Variants in ADGRB3 observed in about 807,000 individuals in gnomAD.
ADGRB3 encodes adhesion G protein-coupled receptor B3.
ADGRB3 carries 37 observed loss-of-function variants against 193.4 expected under a neutral mutation model. The ratio of observed to expected loss-of-function variants is 0.19; its 90% CI spans 0.15 to 0.25. The LOEUF is 0.25. Among genes scored for constraint, ADGRB3 ranks in the 10% least tolerant of loss-of-function variants. ADGRB3 has a pLI of 1.00. For synonymous variants in ADGRB3, 690 were observed against 644.2 expected (o/e 1.07, Z -1.08); for missense variants, 1,637 against 1,852.9 (o/e 0.88, Z 2.14).
intron 6 of ADGRB3, among the ~76,000 whole-genome samples, chr6:68,954,184 T>C (rs1352245161): frequency 6.6e-6 from 1 of 152,198 alleles, no homozygotes; most frequent in Non-Finnish European, 1.5e-5. Flanking sequence ...CCTAAATACT[T>C]CATGTTTCAT....
chr6:69,015,753 A>G lies in ADGRB3; in HGVS notation c.1998+1647A>G, dbSNP rs16900413. On this transcript the variant is annotated intron_variant, in intron 12 of 31. Transcript: ENST00000370598. ...ACAAAATTTACTCTTTCGAATAGTC[A>G]TTTCAGAATTTGTTACCCATCAGTT... Among the ~76,000 whole-genome samples the G allele has an allele frequency of 2.0e-3, 304 of 152,002 alleles. 4 individuals are homozygous for G. In the East Asian group the frequency reaches 0.051, roughly 26 times the overall value.
At chr6:69,204,291 C>G (rs1765491489) in intron 17 of ADGRB3, among the ~76,000 whole-genome samples, 1 of 152,086 alleles carries the variant, frequency 6.6e-6, no homozygotes, top group African/African-American at 2.4e-5. Flanking sequence ...ACTTAAATCA[C>G]ATTTTTTTTC....
intron 3 of ADGRB3, among the ~76,000 whole-genome samples, chr6:68,751,993 T>G (rs1179753995): frequency 6.6e-6 from 1 of 152,184 alleles, no homozygotes; most frequent in East Asian, 1.9e-4. Flanking sequence ...ATCATTAGCT[T>G]ACTATTCATC....
At chr6:68,923,463 T>A (rs1767100512) in intron 3 of ADGRB3, among the ~76,000 whole-genome samples, 1 of 152,096 alleles carries the variant, frequency 6.6e-6, no homozygotes, top group South Asian at 2.1e-4. Flanking sequence ...ATTTTTTTGG[T>A]CAAGCAACCA....
intron 20 of ADGRB3, among the ~76,000 whole-genome samples, chr6:69,311,760 T>C (rs1768199410): frequency 6.6e-6 from 1 of 151,744 alleles, no homozygotes; most frequent in Non-Finnish European, 1.5e-5. Context: ...TCTCATGTGC[T>C]TTAGATTTCA....
In ADGRB3 at chr6:68,956,770, G is replaced by T. The variant is rs766589399; in HGVS notation, c.1486G>T (p.Gly496Cys). The T allele has an allele frequency of 6.2e-7, 1 of 1,614,004 alleles. No individual in the cohort carries two copies. The highest frequency in any genetic ancestry group is 8.5e-7 in the Non-Finnish European group (1 of 1,179,926). The change falls in exon 8 of 32, where the codon GGC (glycine) becomes TGC (cysteine). Residue 496 changes from glycine to cysteine, a missense_variant. Around this residue, in one of 7 missense-constraint regions of ADGRB3, gnomAD observed 641 missense variants for 673.9 expected, o/e 0.95. Coordinates refer to ENST00000370598, the MANE Select transcript of ADGRB3 (RefSeq NM_001704.3). ...VITGQQCEGT[G>C]EEVRRCNEQR... ...AACAGGGCAGCAATGTGAAGGAACG[G>T]GCGAAGAAGTGAGAAGATGCAATGA...
intron 20 of ADGRB3, among the ~76,000 whole-genome samples, chr6:69,317,391 T>C (rs559049650): frequency 6.6e-6 from 1 of 151,530 alleles, no homozygotes; most frequent in Non-Finnish European, 1.5e-5. Flanking sequence ...ACTAGTGAGA[T>C]TGGTATCTGA....
intron 16 of ADGRB3, among the ~76,000 whole-genome samples, chr6:69,072,258 AGATTGAATGAT>A (rs1772098328): frequency 6.6e-6 from 1 of 152,194 alleles, no homozygotes; most frequent in African/African-American, 2.4e-5. Context: ...GTGAAACTTA[AGATTGAATGAT>A]GCATTTTGGA....
At chr6:68,724,110 C>T (rs556714891) in intron 3 of ADGRB3, among the ~76,000 whole-genome samples, 4 of 148,548 alleles carry the variant, frequency 2.7e-5, no homozygotes, top group Non-Finnish European at 3.0e-5. Flanking sequence ...AAAAAAAAAA[C>T]AACCTCAGTG....
chr6:68,638,583 T>C (rs551529949), intron 2 of ADGRB3, 78 bp from the exon 3 acceptor site: 58 of 1,362,836 alleles, frequency 4.3e-5, no homozygotes, highest in Non-Finnish European at 5.6e-5. Flanking sequence ...AACAGCTGGC[T>C]GTAATATTGA....
chr6:68,868,011 G>A (rs985229384), intron 3 of ADGRB3, among the ~76,000 whole-genome samples: 2 of 152,190 alleles, frequency 1.3e-5, no homozygotes, highest in African/African-American at 2.4e-5. Flanking sequence ...GCTAGGATGA[G>A]TTAAGACTAT....
At chr6:68,844,305 G>T (rs1768229743) in intron 3 of ADGRB3, among the ~76,000 whole-genome samples, 1 of 151,696 alleles carries the variant, frequency 6.6e-6, no homozygotes, top group African/African-American at 2.4e-5. Flanking sequence ...CTAGAAAAAA[G>T]AGCTCAAACA....
At chr6:68,999,521 C>T (rs1252572175) in intron 11 of ADGRB3, among the ~76,000 whole-genome samples, 1 of 152,184 alleles carries the variant, frequency 6.6e-6, no homozygotes, top group Non-Finnish European at 1.5e-5. Flanking sequence ...GCCTCAACCT[C>T]CCAAAGTTCT....
At chr6:68,739,304 A>G (rs1209765102) in intron 3 of ADGRB3, among the ~76,000 whole-genome samples, 1 of 152,184 alleles carries the variant, frequency 6.6e-6, no homozygotes, top group Non-Finnish European at 1.5e-5. Context: ...TTAATTGTAT[A>G]TTGGCAAGGT....
chr6:68,768,097 T>C (rs1024372475), intron 3 of ADGRB3, among the ~76,000 whole-genome samples: 2 of 152,120 alleles, frequency 1.3e-5, no homozygotes, highest in African/African-American at 4.8e-5. Context: ...ATCAATGTTG[T>C]GAAAGTGGCC....
At chr6:68,720,330 C>T (rs1360947465) in intron 3 of ADGRB3, among the ~76,000 whole-genome samples, 1 of 151,740 alleles carries the variant, frequency 6.6e-6, no homozygotes, top group Non-Finnish European at 1.5e-5. Flanking sequence ...AAATCCATGG[C>T]ACACCTCCCT....
At chr6:69,139,979 A>G (rs16900544) in intron 17 of ADGRB3, among the ~76,000 whole-genome samples, 2,411 of 152,330 alleles carry the variant, frequency 0.016, 88 homozygotes, top group East Asian at 0.1. Flanking sequence ...GCTGAACAGC[A>G]TAGCACACAC....
chr6:68,808,483 A>C (rs1334018775), intron 3 of ADGRB3, among the ~76,000 whole-genome samples: 5 of 152,042 alleles, frequency 3.3e-5, no homozygotes, highest in African/African-American at 1.2e-4. Context: ...GTTATTTTCA[A>C]ATCTAATCCA....
intron 14 of ADGRB3, among the ~76,000 whole-genome samples, chr6:69,048,654 A>G (rs140960889): frequency 2.8e-4 from 42 of 152,254 alleles, no homozygotes; most frequent in Middle Eastern, 3.4e-3. Flanking sequence ...AGCTATTGAA[A>G]TGTGTTGTAT....
Sources: allele counts gnomAD v4.1 joint callset (sites outside exome capture counted in the v4.1 genomes callset), GRCh38; gene constraint gnomAD v4.1.1; regional missense constraint gnomAD v4.1.1; transcripts MANE v1.5; gene names NCBI Gene and HGNC (gene_info 2026-07-23, HGNC 2026-07-21).